TTC34: variants seen among roughly 807,000 people sequenced by gnomAD.
TTC34 encodes the protein tetratricopeptide repeat protein 34.
TTC34 carries 44 observed loss-of-function variants against 40.7 expected under a neutral mutation model. That is an observed-to-expected ratio of 1.08 (90% CI 0.85 to 1.39). TTC34 has a LOEUF of 1.39. Ranked by LOEUF, TTC34 falls within the 40% of genes most tolerant of loss-of-function variation. The pLI is 0.00. For missense variants in TTC34, 884 were observed against 838.0 expected (o/e 1.05, Z -0.68); for synonymous variants, 422 against 398.6 (o/e 1.06, Z -0.70).
chr1:2,762,084 C>A (rs1399965223), intron 6 of TTC34, among the ~76,000 whole-genome samples: 1 of 62,398 alleles, frequency 1.6e-5, no homozygotes, highest in Admixed American at 1.5e-4. Flanking sequence ...TGGAGCAGCA[C>A]ACACAACCCC....
intron 6 of TTC34, among the ~76,000 whole-genome samples, chr1:2,684,335 G>T (rs1443568575): frequency 1.4e-5 from 1 of 70,936 alleles, no homozygotes; most frequent in Non-Finnish European, 2.7e-5. Flanking sequence ...AGCATCTGAT[G>T]GTTTGCAGCA....
At chr1:2,641,439 C>G (rs762358705) in exon 9 of TTC34, 2 of 1,535,220 alleles carry the variant, frequency 1.3e-6, no homozygotes, top group Middle Eastern at 1.7e-4. Flanking sequence ...CCACGGTGGT[C>G]GGGGTCCACC....
At position 2,787,709 on chromosome 1, in the gene TTC34, G is replaced by C; in HGVS notation, c.1629-3C>G. 1 of 1,536,862 alleles carries C rather than the reference G, an allele frequency of 6.5e-7. No individual in the cohort carries two copies. The highest frequency in any genetic ancestry group is 8.8e-7 in the Non-Finnish European group (1 of 1,137,324). On this transcript the variant is annotated splice_polypyrimidine_tract_variant and splice_region_variant and intron_variant, in intron 3 of 8. Transcript: ENST00000401095. Reference sequence around the variant, plus strand: ...GCTGGTGCACGCCGCAGGCGACCCTGTGTGGAGATCAGCTCAGGGGGGCAT... The same window carrying C: ...GCTGGTGCACGCCGCAGGCGACCCTCTGTGGAGATCAGCTCAGGGGGGCAT...
intron 1 of TTC34, 89 bp from the exon 2 acceptor site, chr1:2,800,957 C>A: frequency 2.5e-6 from 1 of 397,892 alleles, no homozygotes; most frequent in Non-Finnish European, 4.4e-6. Flanking sequence ...GCCACCTCCA[C>A]CCCTTCCCAT....
chr1:2,686,829 AGC>A, intron 6 of TTC34, among the ~76,000 whole-genome samples: 1 of 90,506 alleles, frequency 1.1e-5, no homozygotes, highest in Non-Finnish European at 2.0e-5. Context: ...GACAGCCTGG[AGC>A]AGCACCCCAC....
chr1:2,653,167 C>A (rs1164177065), intron 6 of TTC34, among the ~76,000 whole-genome samples: 40 of 151,376 alleles, frequency 2.6e-4, no homozygotes, highest in African/African-American at 7.6e-4. Context: ...GCACCCACAC[C>A]CACAGGTGAG....
At chr1:2,767,841 C>G (rs1641823803) in intron 6 of TTC34, among the ~76,000 whole-genome samples, 2 of 149,694 alleles carry the variant, frequency 1.3e-5, no homozygotes, top group Non-Finnish European at 1.5e-5. Flanking sequence ...GGAGCAGCAC[C>G]CACACCCCCA....
chr1:2,782,007 T>C (rs1643491471), intron 6 of TTC34, among the ~76,000 whole-genome samples: 1 of 152,220 alleles, frequency 6.6e-6, no homozygotes, highest in African/African-American at 2.4e-5. Flanking sequence ...ATCAGGGTAA[T>C]GCTGGCCTCA....
intron 6 of TTC34, among the ~76,000 whole-genome samples, chr1:2,647,133 G>A (rs1639033672): frequency 6.6e-6 from 1 of 151,802 alleles, no homozygotes; most frequent in Admixed American, 6.6e-5. Context: ...TCTTAGGGGT[G>A]GTTCTCTTTC....
At chr1:2,773,696 AC>A (rs1198018509) in intron 6 of TTC34, 3 of 110,196 alleles carry the variant, frequency 2.7e-5, no homozygotes, top group African/African-American at 1.2e-4. Context: ...CAGCACCCAC[AC>A]CCCCAGGTGA....
intron 6 of TTC34, among the ~76,000 whole-genome samples, chr1:2,750,903 G>A (rs1318272115): frequency 9.0e-6 from 1 of 111,432 alleles, no homozygotes; most frequent in Non-Finnish European, 1.7e-5. Context: ...GCGAGCATCT[G>A]AACGCACGGA....
At chr1:2,655,814 AC>A (rs1639323956) in intron 6 of TTC34, among the ~76,000 whole-genome samples, 1 of 117,216 alleles carries the variant, frequency 8.5e-6, no homozygotes, top group Non-Finnish European at 1.7e-5. Flanking sequence ...AGCACCCACA[AC>A]CACAGGTGAA....
At position 2,683,159 on chromosome 1, in the gene TTC34, G is replaced by A. The variant is rs541153082; in HGVS notation, c.2227-37596C>T. On this transcript the variant is annotated intron_variant, in intron 6 of 8. Transcript: ENST00000401095. ...TGGAACAGCACGCACAGCCCCAGGAGAGCATCCGGCAGCCTGGAGCGGAAC... is the reference window on the plus strand; with the variant it reads ...TGGAACAGCACGCACAGCCCCAGGAAAGCATCCGGCAGCCTGGAGCGGAAC... Among the ~76,000 whole-genome samples, 3 of 134,846 alleles carry A rather than the reference G, an allele frequency of 2.2e-5. 1 individual carries two copies. Among genetic ancestry groups the A allele is most frequent in the East Asian group, 2.2e-4 (1 of 4,610 alleles). 88.5% of individuals were successfully genotyped at this position (134,846 alleles called of 152,430 possible). A position where few individuals can be genotyped will look rare whatever the true frequency, so the allele number is the denominator to read the frequency against.
At chr1:2,764,076 G>C (rs1180697463) in intron 6 of TTC34, among the ~76,000 whole-genome samples, 3 of 135,332 alleles carry the variant, frequency 2.2e-5, no homozygotes, top group African/African-American at 8.5e-5. Flanking sequence ...GTGAGCATCC[G>C]ACAGCCTGGA....
At chr1:2,694,867 C>CT in intron 6 of TTC34, among the ~76,000 whole-genome samples, 1 of 97,994 alleles carries the variant, frequency 1.0e-5, no homozygotes, top group African/African-American at 3.5e-5. Context: ...GAGCAGCACC[C>CT]ACAACCACAG....
At chr1:2,642,664 G>A (rs1174236062) in intron 8 of TTC34, among the ~76,000 whole-genome samples, 1 of 152,232 alleles carries the variant, frequency 6.6e-6, no homozygotes, top group Non-Finnish European at 1.5e-5. Flanking sequence ...CGCTGCCTGA[G>A]GAACACGCCA....
chr1:2,677,664 T>A (rs1242942180), intron 6 of TTC34, among the ~76,000 whole-genome samples: 22 of 147,746 alleles, frequency 1.5e-4, no homozygotes, highest in African/African-American at 2.3e-4. Context: ...CAGGCGAGCA[T>A]CTGACAGCCT....
chr1:2,687,852 G>A (rs1640436016), intron 6 of TTC34, among the ~76,000 whole-genome samples: 1 of 151,466 alleles, frequency 6.6e-6, no homozygotes, highest in Admixed American at 6.6e-5. Context: ...CACACCCACA[G>A]TTGAGCATCT....
rs1022425489 is a variant in TTC34, at chr1:2,787,638, C to T, written c.1697G>A (p.Arg566His). ...GTACAGGGCATCAGCCGCCAGGAGG[C>T]GAGAGGCCTCGTCCTCTGAATCCAG... is the stretch of plus-strand genomic sequence containing the variant. The change falls in exon 4 of 9, where the codon CGC (arginine) becomes CAC (histidine). Residue 566 changes from arginine to histidine, a missense_variant. Arg to His is a conservative substitution (Grantham distance 29). Coordinates refer to ENST00000401095, the Ensembl canonical transcript of TTC34. 7.7e-6 allele frequency: 12 copies of T among 1,549,794 alleles called. No individual in the cohort carries two copies. The highest frequency in any genetic ancestry group is 4.8e-5 in the South Asian group (4 of 84,000).
Sources: allele counts gnomAD v4.1 joint callset (sites outside exome capture counted in the v4.1 genomes callset), GRCh38; gene constraint gnomAD v4.1.1; transcripts MANE v1.5; gene names NCBI Gene and HGNC (gene_info 2026-07-23, HGNC 2026-07-21).